Variants in FLII observed in about 807,000 individuals in gnomAD.
FLII encodes the protein FLII actin remodeling protein.
A neutral mutation model predicts 156.2 loss-of-function variants in FLII; 101 were observed. The observed-to-expected ratio is 0.65, with a 90% CI of 0.55 to 0.76. FLII has a LOEUF of 0.76. FLII is among the 30% of genes least tolerant of loss of function. FLII has a pLI of 0.00. For synonymous variants in FLII, 767 were observed against 685.8 expected (o/e 1.12, Z -1.85); for missense variants, 1,675 against 1,682.8 (o/e 1.00, Z 0.08).
At position 18,254,153 on chromosome 17, in the gene FLII, G is replaced by T; in HGVS notation, c.605C>A (p.Thr202Asn). The change falls in exon 7 of 30, where the codon ACC becomes AAC. Residue 202 changes from threonine to asparagine, a missense_variant. Transcript: ENST00000327031. ...GCGCTGGGTGCTCCGCAGGTGCAGGGTCTGCAGGGCCGTCATCGCTGGGAG... is the reference window on the plus strand; with the variant it reads ...GCGCTGGGTGCTCCGCAGGTGCAGGTTCTGCAGGGCCGTCATCGCTGGGAG... ...RQLPAMTALQ[T>N]LHLRSTQRTQ... is the part of the protein sequence containing the mutation. 6.2e-7 allele frequency: 1 copy of T among 1,610,958 alleles called. No homozygotes were observed. Among genetic ancestry groups the T allele is most frequent in the East Asian group, 2.2e-5 (1 of 44,786 alleles).
rs749462588 is a variant in FLII, at chr17:18,251,304, G to A, written c.1557C>T (p.His519=). The A allele has an allele frequency of 1.4e-5, 22 of 1,613,878 alleles. No individual in the cohort carries two copies. The highest frequency in any genetic ancestry group is 3.3e-5 in the Admixed American group (2 of 60,012). ...AGCAGTCAGCCTCGTAGAACTTGCC[G>A]TGGAAGGCTTCCTCCACCAGCACAG... is the stretch of plus-strand genomic sequence containing the variant. ...FVPVLVEEAF[H]GKFYEADCYI... The change falls in exon 13 of 30, where the codon CAC becomes CAT. Residue 519 remains histidine (H), a synonymous_variant. Transcript: ENST00000327031.
intron 10 of FLII, 130 bp downstream of exon 10, chr17:18,252,342 G>T: frequency 1.1e-6 from 1 of 942,300 alleles, no homozygotes; most frequent in Non-Finnish European, 1.7e-6. Context: ...GGGAGGTGGG[G>T]CCCACCTTCT....
chr17:18,248,920 C>A (rs748335339), intron 16 of FLII, 37 bp from the exon 17 acceptor site: 4 of 1,565,014 alleles, frequency 2.6e-6, no homozygotes, highest in Non-Finnish European at 3.5e-6. Context: ...TGTGATGGTG[C>A]ATGGGGCAAT....
At position 18,246,456 on chromosome 17, in the gene FLII, G is replaced by T. The variant is rs768015316; in HGVS notation, c.3058C>A (p.Arg1020Ser). 6.2e-7 allele frequency: 1 copy of T among 1,613,902 alleles called. No homozygotes were observed. The highest frequency in any genetic ancestry group is 8.5e-7 in the Non-Finnish European group (1 of 1,179,992). Residue 1020 changes from arginine to serine, a missense_variant, in exon 24 of 30, where the codon CGC becomes AGC. By Grantham distance (110) the Arg-to-Ser change is moderately radical. Transcript: ENST00000327031. Reference protein sequence around the residue: ...SLFPGKLEVVRMTQQQENPKF... With the variant: ...SLFPGKLEVVSMTQQQENPKF... ...GGGTTCTCCTGCTGCTGCGTCATGC[G>T]TACCACCTGGGGATGTGGAAGTGTT...
Position 18,258,425 on chromosome 17 carries a change from C to T in FLII, c.63+203G>A. 6.8e-7 allele frequency: 1 copy of T among 1,461,068 alleles called. No homozygotes were observed. Among genetic ancestry groups the T allele is most frequent in the Non-Finnish European group, 9.1e-7 (1 of 1,095,376 alleles). The allele number at this position is 1,461,068 out of a possible 1,614,324, so 90.5% of individuals were successfully genotyped here. ...AGCCCAAGCGTCCGTCCCCGGCCTG[C>T]CCAGCCTCGGTCTCCCCGTACAGGC... On this transcript the variant is annotated intron_variant, in intron 1 of 29. Coordinates refer to ENST00000327031, the MANE Select transcript of FLII (RefSeq NM_002018.4). This position sits in a 1 kb window ranked among gnomAD's most constrained non-coding sequence, Gnocchi z 4.2.
Position 18,248,050 on chromosome 17 carries a change from G to C in FLII, c.2191-17C>G, listed in dbSNP as rs1318128447. On this transcript the variant is annotated splice_polypyrimidine_tract_variant and intron_variant, in intron 18 of 29. Coordinates refer to ENST00000327031, the MANE Select transcript of FLII (RefSeq NM_002018.4). ...CAGGCCCACCTGGCAGGAAGGATGA[G>C]CATGGCAGGGAAGGGATCTGGAGAC... 1.3e-6 allele frequency: 2 copies of C among 1,572,140 alleles called. No homozygotes were observed. Among genetic ancestry groups the C allele is most frequent in the East Asian group, 2.2e-5 (1 of 44,606 alleles).
chr17:18,252,701 G>C, intron 9 of FLII, 145 bp from the exon 10 acceptor site: 2 of 663,414 alleles, frequency 3.0e-6, no homozygotes, highest in South Asian at 3.5e-5. Context: ...GGACTTCTCA[G>C]AGCCAAGAGA....
In FLII at chr17:18,258,470, G is replaced by A. The variant is rs2048496367; in HGVS notation, c.63+158C>T. On this transcript the variant is annotated intron_variant, in intron 1 of 29. Coordinates refer to ENST00000327031, the MANE Select transcript of FLII (RefSeq NM_002018.4). The surrounding 1 kb of genome is among the most constrained non-coding windows in gnomAD (Gnocchi z 4.2). ...ACAGGCACTGGGCGGAGGCCTCGGA[G>A]GTCCATTCCTGGCCAGGGGAGAGCC... The A allele has an allele frequency of 1.3e-6, 2 of 1,511,556 alleles. No individual in the cohort carries two copies. The highest frequency in any genetic ancestry group is 1.8e-6 in the Non-Finnish European group (2 of 1,136,362). 93.6% of individuals were successfully genotyped at this position (1,511,556 alleles called of 1,614,324 possible). A position where few individuals can be genotyped will look rare whatever the true frequency, so the allele number is the denominator to read the frequency against.
At chr17:18,257,619 C>T (rs1340429920) in intron 1 of FLII, among the ~76,000 whole-genome samples, 1 of 152,238 alleles carries the variant, frequency 6.6e-6, no homozygotes, top group Non-Finnish European at 1.5e-5. Context: ...ATATTCCTTT[C>T]CCCCTAGCGC....
In FLII at chr17:18,246,368, T is replaced by C; in HGVS notation, c.3146A>G (p.Gln1049Arg). The C allele has an allele frequency of 1.2e-6, 2 of 1,613,920 alleles. No individual in the cohort carries two copies. Among genetic ancestry groups the C allele is most frequent in the African/African-American group, 2.7e-5 (2 of 75,056 alleles). ...IIHRGKRKAV[Q>R]GAQQPSLYQI... ...GTAGAGGCTGGGCTGTTGGGCGCCC[T>C]GGACCGCCTTCCTCTTGCCCCGGTG... The change falls in exon 24 of 30, where the codon CAG becomes CGG. Residue 1049 changes from glutamine (Q) to arginine (R), a missense_variant. Around this residue, in one of 2 missense-constraint regions of FLII, gnomAD observed 1,332 missense variants for 1,269.3 expected, o/e 1.05. Transcript: ENST00000327031.
intron 6 of FLII, 39 bp from the exon 7 acceptor site, chr17:18,254,221 C>T (rs769008756): frequency 4.9e-5 from 75 of 1,517,026 alleles, no homozygotes; most frequent in Non-Finnish European, 6.4e-5. Context: ...CAGGGCCCAC[C>T]TAGGGAGTGT....
chr17:18,251,039 A>C, intron 13 of FLII, 22 bp from the exon 14 acceptor site: 1 of 1,605,878 alleles, frequency 6.2e-7, no homozygotes, highest in Non-Finnish European at 8.5e-7. Context: ...GGCACCGGCC[A>C]CATCAGCTTT....
intron 7 of FLII, 99 bp downstream of exon 7, chr17:18,253,980 G>A: frequency 3.3e-6 from 3 of 898,298 alleles, no homozygotes; most frequent in Non-Finnish European, 5.1e-6. Context: ...TTTCCCTCTG[G>A]GTATTGGTCC....
intron 15 of FLII, 61 bp downstream of exon 15, chr17:18,249,265 C>T (rs2048184560): frequency 1.2e-6 from 2 of 1,609,658 alleles, no homozygotes; most frequent in Non-Finnish European, 1.7e-6. Context: ...CCAACACCCT[C>T]CCCTCCACCC....
chr17:18,257,204 C>T (rs181268506), intron 1 of FLII, 185 bp from the exon 2 acceptor site: 313 of 552,020 alleles, frequency 5.7e-4, no homozygotes, highest in African/African-American at 5.7e-3. Context: ...TAAGCCCCCC[C>T]GTGACAAAAG....
At position 18,247,175 on chromosome 17, in the gene FLII, C is replaced by G. The variant is rs769178654; in HGVS notation, c.2670G>C (p.Leu890=). 6.4e-7 allele frequency: 1 copy of G among 1,566,054 alleles called. No individual in the cohort carries two copies. The highest frequency in any genetic ancestry group is 8.6e-7 in the Non-Finnish European group (1 of 1,165,378). ...GTCCCGGCCCTGCCCCCACCTCGGCCAGCGACATGGGCGGCTGCCGCGGCA... is the reference window on the plus strand; with the variant it reads ...GTCCCGGCCCTGCCCCCACCTCGGCGAGCGACATGGGCGGCTGCCGCGGCA... The part of the protein sequence containing the change: ...LFLPRQPPMS[L]AEAEQLMEEW... The change falls in exon 21 of 30, where the codon CTG becomes CTC. Residue 890 remains leucine, a synonymous_variant. Transcript: ENST00000327031.
At chr17:18,249,512 G>A in intron 14 of FLII, 104 bp from the exon 15 acceptor site, 2 of 816,104 alleles carry the variant, frequency 2.5e-6, no homozygotes, top group Non-Finnish European at 4.1e-6. Flanking sequence ...TGAATTGAGT[G>A]CTACAAATCT....
At chr17:18,250,717 C>T (rs376065549) in intron 14 of FLII, 121 bp downstream of exon 14, 4 of 1,110,538 alleles carry the variant, frequency 3.6e-6, no homozygotes, top group East Asian at 4.8e-5. Flanking sequence ...GATCCACCCC[C>T]TTTAACCCCA....
At position 18,245,277 on chromosome 17, in the gene FLII, C is replaced by T. The variant is rs2047992383; in HGVS notation, c.3676-5G>A. 3.1e-6 allele frequency: 5 copies of T among 1,612,512 alleles called. No individual in the cohort carries two copies. In the East Asian group the frequency reaches 8.9e-5, roughly 29 times the overall value. The stretch of plus-strand genomic sequence containing the variant: ...CCGCATGTGCTGGATATATACCTGG[C>T]AAGGGGACAGCGAGCCTTGGGTGAT... On this transcript the variant is annotated splice_region_variant and splice_polypyrimidine_tract_variant and intron_variant, in intron 29 of 29. Coordinates refer to ENST00000327031, the MANE Select transcript of FLII (RefSeq NM_002018.4).
Sources: gnomAD v4.1 joint callset for allele counts (sites outside exome capture counted in the v4.1 genomes callset) on GRCh38, gnomAD v4.1.1 for gene constraint, gnomAD v4.1.1 regional missense constraint, Gnocchi (gnomAD v3.1) non-coding constraint, MANE v1.5 for transcripts, NCBI Gene and HGNC (gene_info 2026-07-23, HGNC 2026-07-21) for gene names.